The following CNTN6 variants were observed in gnomAD, a reference collection of about 807,000 sequenced individuals.
The protein encoded by CNTN6 is contactin-6.
CNTN6 carries 137 observed loss-of-function variants against 122.8 expected under a neutral mutation model. The ratio of observed to expected loss-of-function variants is 1.12; its 90% CI spans 0.97 to 1.29. The LOEUF (loss-of-function observed/expected upper bound fraction) is 1.29, where lower values mean the gene tolerates loss of function less well. CNTN6 is among the 50% of genes most tolerant of loss of function. The pLI is 0.00. For synonymous variants in CNTN6, 570 were observed against 426.0 expected, an observed-to-expected ratio of 1.34 and a Z score of -4.16; for missense variants, 1,634 against 1,223.4, an observed-to-expected ratio of 1.34 and a Z score of -5.01.
intron 2 of CNTN6, among the ~76,000 whole-genome samples, chr3:1,190,263 C>G (rs370983027): frequency 2.0e-5 from 3 of 152,130 alleles, no homozygotes; most frequent in African/African-American, 7.2e-5. Context: ...ATGACCTCAT[C>G]TAAACCTAGT....
chr3:1,369,501 T>C (rs548891979), intron 12 of CNTN6, among the ~76,000 whole-genome samples: 2 of 151,826 alleles, frequency 1.3e-5, no homozygotes, highest in African/African-American at 4.8e-5. Context: ...TAGTGAAAAA[T>C]GTAACCATTA....
chr3:1,295,213 TG>T (rs1427748453), intron 5 of CNTN6, among the ~76,000 whole-genome samples: 18 of 152,240 alleles, frequency 1.2e-4, no homozygotes, highest in Admixed American at 4.6e-4. Context: ...TTAATTCTTC[TG>T]ATAATGCACT....
intron 20 of CNTN6, among the ~76,000 whole-genome samples, chr3:1,396,693 G>A (rs572599971): frequency 1.4e-3 from 212 of 152,254 alleles, no homozygotes; most frequent in Non-Finnish European, 2.7e-3. Flanking sequence ...TTTAAAGTAA[G>A]AAACCACAGC....
In CNTN6 at chr3:1,181,845, C is replaced by A. The variant is rs572612106; in HGVS notation, c.55+33782C>A. The stretch of plus-strand genomic sequence containing the variant: ...GAATCAAAACAGTGATAACATTTAC[C>A]AAAAACTACTGAATAGAATATTCAA... On this transcript the variant is annotated intron_variant, in intron 2 of 22. Transcript: ENST00000446702. 7.9e-5 allele frequency among the ~76,000 whole-genome samples: 12 copies of A among 152,142 alleles called. No homozygotes were observed. In the South Asian group the frequency reaches 2.3e-3, roughly 29 times the overall value.
rs529520091 is a variant in CNTN6, at chr3:1,287,266, C to T, written c.455-8335C>T. On this transcript the variant is annotated intron_variant, in intron 5 of 22. Coordinates refer to ENST00000446702, the MANE Select transcript of CNTN6 (RefSeq NM_001289080.2). ...TCTTTATTGGAAGAACTGCTCTGCA[C>T]GTTGTTAAGATGTTTAGTAATATCC... Among the ~76,000 whole-genome samples the T allele has an allele frequency of 1.1e-4, 16 of 152,228 alleles. 2 individuals are homozygous for T. In the East Asian group the frequency reaches 1.9e-3, roughly 18 times the overall value.
chr3:1,176,793 G>A (rs907678051), intron 2 of CNTN6, among the ~76,000 whole-genome samples: 1 of 152,168 alleles, frequency 6.6e-6, no homozygotes, highest in Non-Finnish European at 1.5e-5. Context: ...ATGTTTAGCT[G>A]TGAAGGGTTT....
rs542058575 is a variant in CNTN6 at position 1,350,759 on chromosome 3, GT to G, written c.1365-1559del. Reference sequence around the variant, plus strand: ...AGCAGACCTATCATTTCTGTCATGTGTTTTTTATTGGCCAATAGTTCAGGTT... The same window carrying G: ...AGCAGACCTATCATTTCTGTCATGTGTTTTTATTGGCCAATAGTTCAGGTT... On this transcript the variant is annotated intron_variant, in intron 11 of 22. Transcript: ENST00000446702. 6.8e-3 allele frequency among the ~76,000 whole-genome samples: 1,026 copies of G among 151,834 alleles called. 3 individuals are homozygous for G. The highest frequency in any genetic ancestry group is 0.011 in the Non-Finnish European group (714 of 67,820).
intron 2 of CNTN6, among the ~76,000 whole-genome samples, chr3:1,149,913 A>G (rs1575026779): frequency 6.6e-6 from 1 of 152,164 alleles, no homozygotes; most frequent in Admixed American, 6.5e-5. Flanking sequence ...CACGTATCAA[A>G]TCTGAGAAAT....
intron 4 of CNTN6, among the ~76,000 whole-genome samples, chr3:1,272,325 A>C (rs971925458): frequency 6.6e-6 from 1 of 152,224 alleles, no homozygotes; most frequent in African/African-American, 2.4e-5. Context: ...GTGGCCAGTC[A>C]TCTGTGAACC....
intron 7 of CNTN6, among the ~76,000 whole-genome samples, chr3:1,320,660 C>T (rs557993652): frequency 6.6e-6 from 1 of 151,752 alleles, no homozygotes; most frequent in East Asian, 1.9e-4. Context: ...TGAAGAATGA[C>T]TTGACAAGAG....
At chr3:1,298,720 C>G (rs952679470) in intron 7 of CNTN6, among the ~76,000 whole-genome samples, 1 of 152,064 alleles carries the variant, frequency 6.6e-6, no homozygotes, top group African/African-American at 2.4e-5. Context: ...ATGTGAGTTA[C>G]CTGGGGACAT....
At chr3:1,129,240 A>G (rs2092268832) in intron 1 of CNTN6, among the ~76,000 whole-genome samples, 2 of 152,198 alleles carry the variant, frequency 1.3e-5, no homozygotes, top group Admixed American at 6.6e-5. Context: ...ACTTCAGCAT[A>G]TGCTGCCAAG....
chr3:1,135,823 C>T (rs1478563663), intron 1 of CNTN6, among the ~76,000 whole-genome samples: 3 of 152,106 alleles, frequency 2.0e-5, no homozygotes, highest in South Asian at 4.1e-4. Flanking sequence ...TGAAACGAGT[C>T]TCTACTAAAA....
intron 2 of CNTN6, among the ~76,000 whole-genome samples, chr3:1,152,708 C>A (rs2092874468): frequency 6.6e-6 from 1 of 151,610 alleles, no homozygotes; most frequent in Non-Finnish European, 1.5e-5. Context: ...TAGTTCCAAT[C>A]TTTAAAAATT....
chr3:1,378,484 C>G (rs1040828528), intron 17 of CNTN6, among the ~76,000 whole-genome samples: 4 of 152,074 alleles, frequency 2.6e-5, no homozygotes, highest in Admixed American at 6.6e-5. Context: ...CTCTGGATAT[C>G]TTGTTTCATG....
At chr3:1,150,293 A>C (rs755041768) in intron 2 of CNTN6, among the ~76,000 whole-genome samples, 3 of 152,192 alleles carry the variant, frequency 2.0e-5, no homozygotes, top group Non-Finnish European at 4.4e-5. Flanking sequence ...TCCAAAACAT[A>C]CTTTTTATTC....
intron 20 of CNTN6, among the ~76,000 whole-genome samples, chr3:1,398,369 G>C (rs1695246276): frequency 6.6e-6 from 1 of 152,108 alleles, no homozygotes; most frequent in Non-Finnish European, 1.5e-5. Context: ...AAAGGATGTA[G>C]ACTAAGAGAT....
At position 1,105,192 on chromosome 3, in the gene CNTN6, A is replaced by G. The variant is rs566986972; in HGVS notation, c.-83+12072A>G. Among the ~76,000 whole-genome samples, 10 of 152,202 alleles carry G rather than the reference A, an allele frequency of 6.6e-5. No homozygotes were observed. The East Asian group carries it at 1.7e-3, about 26-fold the overall frequency. ...GTTAATACTAAATATTATTAATTGT[A>G]AATACTCTCCGATTGGATTACAAAA... On this transcript the variant is annotated intron_variant, in intron 1 of 22. Transcript: ENST00000446702.
At chr3:1,199,851 A>G (rs2093835616) in intron 2 of CNTN6, among the ~76,000 whole-genome samples, 1 of 152,192 alleles carries the variant, frequency 6.6e-6, no homozygotes, top group Admixed American at 6.5e-5. Context: ...ACTTTCTTAA[A>G]CAGTCAATTT....
Sources: allele counts gnomAD v4.1 joint callset (sites outside exome capture counted in the v4.1 genomes callset), GRCh38; gene constraint gnomAD v4.1.1; transcripts MANE v1.5; gene names NCBI Gene and HGNC (gene_info 2026-07-23, HGNC 2026-07-21).